The following PLCB1 variants were observed in gnomAD, a reference collection of about 807,000 sequenced individuals.
PLCB1 encodes the protein phospholipase C beta 1.
PLCB1 carries 46 observed loss-of-function variants against 161.8 expected under a neutral mutation model. That is an observed-to-expected ratio of 0.28 (90% CI 0.22 to 0.36). PLCB1 has a LOEUF of 0.36. PLCB1 is among the 10% of genes least tolerant of loss of function. PLCB1 has a pLI of 1.00. For missense variants in PLCB1, 1,016 were observed against 1,472.5 expected (o/e 0.69, Z 5.07); for synonymous variants, 517 against 503.7 (o/e 1.03, Z -0.35).
At chr20:8,762,933 C>T (rs1982117560) in intron 25 of PLCB1, among the ~76,000 whole-genome samples, 1 of 152,118 alleles carries the variant, frequency 6.6e-6, no homozygotes, top group African/African-American at 2.4e-5. Context: ...TTTATGGTAA[C>T]ATTTTTTGTT....
chr20:8,630,021 T>C lies in PLCB1; in HGVS notation c.384+1590T>C, dbSNP rs549330686. Among the ~76,000 whole-genome samples, 339 of 146,982 alleles carry C rather than the reference T, an allele frequency of 2.3e-3. 3 individuals are homozygous for C. Among genetic ancestry groups the C allele is most frequent in the African/African-American group, 8.2e-3 (326 of 39,574 alleles). ...TTCTTTCTTTCTTTCTCTTTCTTCT[T>C]TCCTTTCTTTCCTCTCTTCTTTCCT... is the stretch of plus-strand genomic sequence containing the variant. On this transcript the variant is annotated intron_variant, in intron 4 of 31. Coordinates refer to ENST00000338037, the MANE Select transcript of PLCB1 (RefSeq NM_015192.4).
chr20:8,388,297 G>A (rs1015241181), intron 3 of PLCB1, among the ~76,000 whole-genome samples: 4 of 152,038 alleles, frequency 2.6e-5, no homozygotes, highest in African/African-American at 9.7e-5. Flanking sequence ...CATAGAATCT[G>A]GATGCCAATA....
chr20:8,827,554 T>C (rs955873463), intron 31 of PLCB1, among the ~76,000 whole-genome samples: 1 of 152,220 alleles, frequency 6.6e-6, no homozygotes, highest in Non-Finnish European at 1.5e-5. Flanking sequence ...TGAATAAAAT[T>C]TAAAATTCAG....
At chr20:8,704,108 C>T (rs1336497850) in intron 11 of PLCB1, among the ~76,000 whole-genome samples, 1 of 152,282 alleles carries the variant, frequency 6.6e-6, no homozygotes, top group South Asian at 2.1e-4. Flanking sequence ...AATCCCAGCA[C>T]TTTGGGAGGC....
chr20:8,618,528 G>C (rs555804436), intron 3 of PLCB1, among the ~76,000 whole-genome samples: 15 of 151,868 alleles, frequency 9.9e-5, no homozygotes, highest in Non-Finnish European at 1.5e-4. Flanking sequence ...AGTTAGAATT[G>C]CACTAACAAT....
intron 2 of PLCB1, among the ~76,000 whole-genome samples, chr20:8,186,130 T>C (rs1438863071): frequency 6.6e-6 from 1 of 152,146 alleles, no homozygotes; most frequent in Non-Finnish European, 1.5e-5. Context: ...ACTAAAATGG[T>C]TTATACTTTC....
At chr20:8,143,941 A>G (rs73078275) in intron 1 of PLCB1, among the ~76,000 whole-genome samples, 1 of 152,086 alleles carries the variant, frequency 6.6e-6, no homozygotes, top group Non-Finnish European at 1.5e-5. Flanking sequence ...GATATTTAGC[A>G]GTATCCCTCG....
chr20:8,774,396 G>A (rs1306761522), intron 26 of PLCB1, 143 bp from the exon 27 acceptor site: 4 of 697,870 alleles, frequency 5.7e-6, no homozygotes, highest in Non-Finnish European at 7.2e-6. Context: ...TGTCCTTGGG[G>A]TCTCACCCTC....
Position 8,788,469 on chromosome 20 carries a change from T to A in PLCB1, c.3132T>A (p.Asp1044Glu). The A allele has an allele frequency of 6.2e-7, 1 of 1,613,594 alleles. No homozygotes were observed. Among genetic ancestry groups the A allele is most frequent in the Non-Finnish European group, 8.5e-7 (1 of 1,179,838 alleles). The change falls in exon 28 of 32, where the codon GAT (aspartate) becomes GAA (glutamate). Residue 1044 changes from aspartate (D) to glutamate (E), a missense_variant. Asp to Glu is a conservative substitution (Grantham distance 45). Transcript: ENST00000338037. ...TCCAGCTTATTCAAAAGTTGACGGA[T>A]GTCGCAGAAGAGTGTCAGAACAATC... The part of the protein sequence containing the change: ...HIKLLIQKLT[D>E]VAEECQNNQL...
intron 31 of PLCB1, among the ~76,000 whole-genome samples, chr20:8,845,516 A>T (rs1343953806): frequency 6.6e-6 from 1 of 152,242 alleles, no homozygotes; most frequent in African/African-American, 2.4e-5. Context: ...TGCTAGTCAC[A>T]TTTCAGATGC....
chr20:8,526,919 C>T (rs140381626), intron 3 of PLCB1, among the ~76,000 whole-genome samples: 70 of 148,172 alleles, frequency 4.7e-4, no homozygotes, highest in African/African-American at 1.5e-3. Context: ...AGCAGCTTGC[C>T]TCCAGCTTTT....
At chr20:8,604,399 C>T (rs1329102899) in intron 3 of PLCB1, among the ~76,000 whole-genome samples, 4 of 151,522 alleles carry the variant, frequency 2.6e-5, no homozygotes, top group Non-Finnish European at 5.9e-5. Context: ...AAACAATTTC[C>T]AATTCTTAAT....
At position 8,575,652 on chromosome 20, in the gene PLCB1, C is replaced by T. The variant is rs1202345330; in HGVS notation, c.247-52642C>T. On this transcript the variant is annotated intron_variant, in intron 3 of 31. Coordinates refer to ENST00000338037, the MANE Select transcript of PLCB1 (RefSeq NM_015192.4). ...AAATTCCTGGCTGTTTCTCACCTCA[C>T]CGAAGAGTGCTAACAGAGGGATTCC... Among the ~76,000 whole-genome samples, 6 of 152,206 alleles carry T rather than the reference C, an allele frequency of 3.9e-5. No homozygotes were observed. In the South Asian group the frequency reaches 8.3e-4, roughly 21 times the overall value.
intron 30 of PLCB1, 122 bp from the exon 31 acceptor site, chr20:8,790,053 C>G (rs1568600557): frequency 3.0e-6 from 2 of 669,052 alleles, no homozygotes; most frequent in East Asian, 2.8e-5. Flanking sequence ...AAGTGTAGTT[C>G]TTGATCAGGA....
chr20:8,644,287 G>C (rs1326743107), intron 4 of PLCB1, among the ~76,000 whole-genome samples: 1 of 149,368 alleles, frequency 6.7e-6, no homozygotes, highest in Non-Finnish European at 1.5e-5. Flanking sequence ...CCCTCTGCCT[G>C]GCTGCCCAGT....
chr20:8,541,558 G>GAA (rs1400996961), intron 3 of PLCB1, among the ~76,000 whole-genome samples: 463 of 39,348 alleles, frequency 0.012, 6 homozygotes, highest in African/African-American at 0.068. Flanking sequence ...ATGAAAGGAA[G>GAA]AAAGAGAAAG....
intron 3 of PLCB1, among the ~76,000 whole-genome samples, chr20:8,586,126 G>C (rs948926864): frequency 5.3e-5 from 8 of 152,100 alleles, no homozygotes; most frequent in Admixed American, 2.0e-4. Flanking sequence ...TTGTTATATT[G>C]GTTCCATTAT....
At chr20:8,716,721 C>T (rs1979334192) in intron 13 of PLCB1, among the ~76,000 whole-genome samples, 3 of 152,190 alleles carry the variant, frequency 2.0e-5, no homozygotes, top group Admixed American at 2.0e-4. Context: ...CTGCAGGTGG[C>T]ACAATGTCTT....
intron 3 of PLCB1, among the ~76,000 whole-genome samples, chr20:8,557,020 T>TAAAATA (rs1985984559): frequency 2.1e-5 from 3 of 145,272 alleles, no homozygotes; most frequent in African/African-American, 7.8e-5. Flanking sequence ...ATAAAATAAA[T>TAAAATA]AAAAAAAATA....
Sources: allele counts gnomAD v4.1 joint callset (sites outside exome capture counted in the v4.1 genomes callset), GRCh38; gene constraint gnomAD v4.1.1; transcripts MANE v1.5; gene names NCBI Gene and HGNC (gene_info 2026-07-23, HGNC 2026-07-21).